Variants in GOLGA7 observed in about 807,000 individuals in gnomAD.
GOLGA7 encodes the protein golgin A7, also known as golgin subfamily A member 7.
Under a neutral mutation model 21.1 loss-of-function variants are expected in GOLGA7, and 10 were observed. The observed-to-expected ratio is 0.47, with a 90% confidence interval of 0.29 to 0.80. The LOEUF is 0.80. Among genes scored for constraint, GOLGA7 ranks in the 30% least tolerant of loss-of-function variants. The pLI is 0.08. For synonymous variants in GOLGA7, 64 were observed against 62.6 expected, an observed-to-expected ratio of 1.02 and a Z score of -0.10; for missense variants, 114 against 166.8, an observed-to-expected ratio of 0.68 and a Z score of 1.74.
rs966832277 is a variant in GOLGA7, at chr8:41,503,825, A to G, written c.265-2086A>G. Among the ~76,000 whole-genome samples the G allele has an allele frequency of 5.4e-5, 8 of 148,146 alleles. No individual in the cohort carries two copies. The South Asian group carries it at 8.6e-4, about 16-fold the overall frequency. On this transcript the variant is annotated intron_variant, in intron 2 of 4. Transcript: ENST00000357743. ...GTTTTGGTTACTGTAGCCTTGTAGTATAGTTTGAAGTCAGGTAGTGTGATG... is the reference window on the plus strand; with the variant it reads ...GTTTTGGTTACTGTAGCCTTGTAGTGTAGTTTGAAGTCAGGTAGTGTGATG...
At chr8:41,491,141 T>C (rs989634068) in intron 1 of GOLGA7, among the ~76,000 whole-genome samples, 176 bp downstream of exon 1, 1 of 152,162 alleles carries the variant, frequency 6.6e-6, no homozygotes, top group Non-Finnish European at 1.5e-5. Context: ...GACAGGTGTT[T>C]GGAGCAGGAA....
At chr8:41,504,009 T>C (rs908716622) in intron 2 of GOLGA7, among the ~76,000 whole-genome samples, 1 of 148,282 alleles carries the variant, frequency 6.7e-6, no homozygotes, top group Non-Finnish European at 1.5e-5. Flanking sequence ...TTGGGAGATA[T>C]ACCTAATGCT....
chr8:41,501,987 C>CT (rs951299846), intron 2 of GOLGA7, among the ~76,000 whole-genome samples: 63 of 152,132 alleles, frequency 4.1e-4, no homozygotes, highest in African/African-American at 1.5e-3. Context: ...AGGCCCCTTT[C>CT]TTTTTATAGA....
rs750476903 is a variant in GOLGA7, at chr8:41,505,911, G to A, written c.265G>A (p.Val89Ile). ...AAGCTGTGGTGTTTCTTTCTGTCAGGTTCTGAAGAAAGTCTCCAAATACAT... is the reference window on the plus strand; with the variant it reads ...AAGCTGTGGTGTTTCTTTCTGTCAGATTCTGAAGAAAGTCTCCAAATACAT... ...FLCMETHYEK[V>I]LKKVSKYIQE... The change falls in exon 3 of 5, where the codon GTT becomes ATT. Residue 89 changes from valine to isoleucine, a missense_variant and splice_region_variant. Val to Ile is a conservative substitution (Grantham distance 29). Transcript: ENST00000357743. 5.2e-6 allele frequency: 8 copies of A among 1,528,348 alleles called. No homozygotes were observed. The highest frequency in any genetic ancestry group is 4.1e-5 in the African/African-American group (3 of 72,768). The allele number at this position is 1,528,348 out of a possible 1,614,324, so 94.7% of individuals were successfully genotyped here. A position where few individuals can be genotyped will look rare whatever the true frequency, so the allele number is the denominator to read the frequency against.
rs576188594 is a variant in GOLGA7, at chr8:41,497,672, A to C, written c.264+11A>C. 1.2e-5 allele frequency: 18 copies of C among 1,444,574 alleles called. 1 individual carries two copies. The East Asian group carries it at 4.2e-4, about 33-fold the overall frequency. 89.5% of individuals were successfully genotyped at this position (1,444,574 alleles called of 1,614,324 possible). On this transcript the variant is annotated intron_variant, in intron 2 of 4. Coordinates refer to ENST00000357743, the MANE Select transcript of GOLGA7 (RefSeq NM_001002296.2). ...ACTCATTATGAGAAGGTAATGCTAC[A>C]TTTGTTTTCACAAAAATCTCTTAAA... is the stretch of plus-strand genomic sequence containing the variant.
chr8:41,491,000 A>T, intron 1 of GOLGA7, 35 bp downstream of exon 1: 3 of 1,191,192 alleles, frequency 2.5e-6, no homozygotes, highest in Non-Finnish European at 2.4e-6. Context: ...TGCTCTGGCG[A>T]GGGAGAGAGA....
In GOLGA7 at chr8:41,497,513, A is replaced by G; in HGVS notation, c.116A>G (p.Asp39Gly). The G allele has an allele frequency of 1.3e-6, 2 of 1,519,590 alleles. No homozygotes were observed. Among genetic ancestry groups the G allele is most frequent in the Non-Finnish European group, 1.8e-6 (2 of 1,108,056 alleles). 94.1% of individuals were successfully genotyped at this position (1,519,590 alleles called of 1,614,324 possible). Residue 39 changes from aspartate to glycine, a missense_variant, in exon 2 of 5, where the codon GAT becomes GGT. By Grantham distance (94) the Asp-to-Gly change is moderately conservative. Coordinates refer to ENST00000357743, the MANE Select transcript of GOLGA7 (RefSeq NM_001002296.2). ...KFPAELENRI[D>G]RQQFEETVRT... ...TAAATATTTTCTTCTCTACAGATTGATAGGCAGCAGTTTGAAGAAACAGTT... is the reference window on the plus strand; with the variant it reads ...TAAATATTTTCTTCTCTACAGATTGGTAGGCAGCAGTTTGAAGAAACAGTT...
rs150962338 is a variant in GOLGA7 at position 41,508,927 on chromosome 8, A to C, written c.*16-657A>C. Among the ~76,000 whole-genome samples, 314 of 152,348 alleles carry C rather than the reference A, an allele frequency of 2.1e-3. 2 individuals carry two copies. Among genetic ancestry groups the C allele is most frequent in the African/African-American group, 7.2e-3 (298 of 41,578 alleles). ...CAAGGTGTCTGCAATTTGAAGCAAT[A>C]TGTGGGAATTAGTGACTTAACAAAA... On this transcript the variant is annotated intron_variant, in intron 4 of 4. Transcript: ENST00000357743.
chr8:41,510,539 A>G lies in GOLGA7; in HGVS notation c.*971A>G, dbSNP rs1806397986. 1 of 152,666 alleles carries G rather than the reference A, an allele frequency of 6.6e-6. No individual in the cohort carries two copies. The highest frequency in any genetic ancestry group is 1.5e-5 in the Non-Finnish European group (1 of 68,054). 9.5% of individuals were successfully genotyped at this position (152,666 alleles called of 1,614,324 possible). A position where few individuals can be genotyped will look rare whatever the true frequency, so the allele number is the denominator to read the frequency against. ...TGACCCACAGAATTTTCTCATATAC[A>G]GTATTCAGTGCACAGAAATCTTATG... On this transcript the variant is annotated 3_prime_UTR_variant, in exon 5 of 5. Coordinates refer to ENST00000357743, the MANE Select transcript of GOLGA7 (RefSeq NM_001002296.2).
At chr8:41,494,245 G>A (rs1275358946) in intron 1 of GOLGA7, among the ~76,000 whole-genome samples, 1 of 152,172 alleles carries the variant, frequency 6.6e-6, no homozygotes, top group Non-Finnish European at 1.5e-5. Flanking sequence ...GGGGGTTGAG[G>A]TAGGAGTATC....
At chr8:41,495,818 A>G (rs1585596239) in intron 1 of GOLGA7, among the ~76,000 whole-genome samples, 1 of 152,168 alleles carries the variant, frequency 6.6e-6, no homozygotes, top group Non-Finnish European at 1.5e-5. Context: ...TTGCTCTCCT[A>G]ATGGGCCTTG....
chr8:41,504,687 A>G (rs1806240608), intron 2 of GOLGA7, among the ~76,000 whole-genome samples: 1 of 152,242 alleles, frequency 6.6e-6, no homozygotes, highest in South Asian at 2.1e-4. Flanking sequence ...GAAGCATAAA[A>G]CATGAGATTT....
intron 1 of GOLGA7, 77 bp downstream of exon 1, chr8:41,491,042 A>C: frequency 2.3e-6 from 2 of 879,552 alleles, no homozygotes; most frequent in Non-Finnish European, 3.7e-6. Flanking sequence ...GTGGGCGACA[A>C]CCGGGCCTTT....
chr8:41,504,347 C>T (rs1806231403), intron 2 of GOLGA7, among the ~76,000 whole-genome samples: 1 of 152,082 alleles, frequency 6.6e-6, no homozygotes, highest in African/African-American at 2.4e-5. Flanking sequence ...GAGACTGAGT[C>T]TCCAGTTTCC....
chr8:41,495,184 CAG>C (rs2150438733), intron 1 of GOLGA7, among the ~76,000 whole-genome samples: 1 of 103,146 alleles, frequency 9.7e-6, no homozygotes, highest in East Asian at 2.8e-4. Context: ...GCCAGGGTGA[CAG>C]AGTGAGACTC....
At chr8:41,509,346 G>A (rs964248258) in intron 4 of GOLGA7, among the ~76,000 whole-genome samples, 1 of 152,166 alleles carries the variant, frequency 6.6e-6, no homozygotes, top group South Asian at 2.1e-4. Context: ...TCAAGGCAGC[G>A]TGGCTCCATG....
Position 41,490,924 on chromosome 8 carries a change from T to A in GOLGA7, c.70T>A (p.Cys24Ser). 1 of 1,599,408 alleles carries A rather than the reference T, an allele frequency of 6.3e-7. No individual in the cohort carries two copies. The highest frequency in any genetic ancestry group is 8.5e-7 in the Non-Finnish European group (1 of 1,172,202). ...IQRDYSSGTR[C>S]QFQTKFPAEL... ...GCGAGACTACAGCAGTGGCACACGC[T>A]GCCAGTTCCAGACCAAGTTCCCTGC... Residue 24 changes from cysteine (C) to serine (S), a missense_variant, in exon 1 of 5, where the codon TGC becomes AGC. Cys to Ser is a moderately radical substitution (Grantham distance 112). Transcript: ENST00000357743.
chr8:41,491,396 T>A (rs1805879888), intron 1 of GOLGA7, among the ~76,000 whole-genome samples: 1 of 152,216 alleles, frequency 6.6e-6, no homozygotes, highest in Admixed American at 6.5e-5. Flanking sequence ...TGGTGTTTGC[T>A]GCCTCTGTGC....
intron 2 of GOLGA7, among the ~76,000 whole-genome samples, chr8:41,499,730 A>G (rs1031483007): frequency 6.6e-6 from 1 of 152,074 alleles, no homozygotes. Context: ...CAGGGCTTTT[A>G]TAGGCACAGG....
Sources: gnomAD v4.1 joint callset for allele counts (sites outside exome capture counted in the v4.1 genomes callset) on GRCh38, gnomAD v4.1.1 for gene constraint, MANE v1.5 for transcripts, NCBI Gene and HGNC (gene_info 2026-07-23, HGNC 2026-07-21) for gene names.